MAGI2: variants seen among roughly 807,000 people sequenced by gnomAD.
MAGI2 encodes membrane-associated guanylate kinase, WW and PDZ domain-containing protein 2.
A neutral mutation model predicts 133.3 loss-of-function variants in MAGI2; 35 were observed. That is an observed-to-expected ratio of 0.26 (90% CI 0.20 to 0.35). MAGI2 has a LOEUF of 0.35. Among genes scored for constraint, MAGI2 ranks in the 10% least tolerant of loss-of-function variants. The pLI is 1.00. For missense variants in MAGI2, 1,636 were observed against 1,863.4 expected (o/e 0.88, Z 2.25); for synonymous variants, 729 against 710.6 (o/e 1.03, Z -0.41).
At chr7:78,146,032 T>C (rs543567597) in intron 16 of MAGI2, among the ~76,000 whole-genome samples, 2 of 152,130 alleles carry the variant, frequency 1.3e-5, no homozygotes, top group African/African-American at 4.8e-5. Flanking sequence ...TATAAATAAG[T>C]TTTTGAAGCT....
chr7:78,137,310 C>T (rs908042971), intron 16 of MAGI2, among the ~76,000 whole-genome samples: 8 of 152,164 alleles, frequency 5.3e-5, no homozygotes, highest in Middle Eastern at 3.4e-3. Flanking sequence ...GTCTGTTTTT[C>T]GACAGTAAAA....
At chr7:79,431,096 T>C (rs1847747522) in intron 1 of MAGI2, among the ~76,000 whole-genome samples, 1 of 152,206 alleles carries the variant, frequency 6.6e-6, no homozygotes, top group African/African-American at 2.4e-5. Flanking sequence ...AAATAGCTGA[T>C]GCTGCTAGGC....
chr7:79,049,276 CT>C (rs371937291), intron 1 of MAGI2, among the ~76,000 whole-genome samples: 194 of 152,022 alleles, frequency 1.3e-3, no homozygotes, highest in African/African-American at 3.9e-3. Context: ...ATTAATAAGA[CT>C]TTTTTTTCCC....
chr7:78,053,673 G>A (rs1207505846), intron 21 of MAGI2, among the ~76,000 whole-genome samples: 4 of 152,156 alleles, frequency 2.6e-5, no homozygotes, highest in Non-Finnish European at 5.9e-5. Flanking sequence ...ATTCTCATAA[G>A]CTCCAATCCC....
At chr7:78,263,116 TAC>T (rs1280191969) in intron 9 of MAGI2, among the ~76,000 whole-genome samples, 1 of 152,184 alleles carries the variant, frequency 6.6e-6, no homozygotes, top group African/African-American at 2.4e-5. Flanking sequence ...CAGTTAGGGT[TAC>T]AGTCTCTAGC....
At chr7:79,205,071 T>A (rs1246862090) in intron 1 of MAGI2, among the ~76,000 whole-genome samples, 12 of 149,778 alleles carry the variant, frequency 8.0e-5, no homozygotes, top group Admixed American at 5.3e-4. Flanking sequence ...AAAAAAAAAA[T>A]AGCAAAAAAC....
intron 3 of MAGI2, 35 bp downstream of exon 3, chr7:78,627,085 C>T: frequency 6.5e-7 from 1 of 1,541,764 alleles, no homozygotes. Context: ...AATGTGATGC[C>T]AACAAGAAAG....
intron 2 of MAGI2, among the ~76,000 whole-genome samples, chr7:78,766,387 T>G (rs1437291298): frequency 6.6e-6 from 1 of 152,084 alleles, no homozygotes; most frequent in Non-Finnish European, 1.5e-5. Context: ...ATATATTATT[T>G]CCTCCCCCAG....
chr7:78,972,536 G>A (rs970272395), intron 2 of MAGI2, among the ~76,000 whole-genome samples: 1 of 151,724 alleles, frequency 6.6e-6, no homozygotes, highest in African/African-American at 2.4e-5. Context: ...CCTATCATTT[G>A]CAAGAATGCT....
intron 9 of MAGI2, among the ~76,000 whole-genome samples, chr7:78,268,752 T>A (rs1382605052): frequency 6.6e-6 from 1 of 152,200 alleles, no homozygotes; most frequent in Non-Finnish European, 1.5e-5. Context: ...TACATTTGAC[T>A]GCTTGAACTG....
chr7:79,148,979 C>T (rs1822922472), intron 1 of MAGI2, among the ~76,000 whole-genome samples: 1 of 145,650 alleles, frequency 6.9e-6, no homozygotes, highest in South Asian at 2.1e-4. Context: ...CCTCCCCTGT[C>T]TATTTTCTGG....
intron 3 of MAGI2, among the ~76,000 whole-genome samples, chr7:78,625,137 A>C (rs1808208291): frequency 1.3e-5 from 2 of 152,142 alleles, no homozygotes; most frequent in Non-Finnish European, 2.9e-5. Context: ...TTTTAACAAA[A>C]AAGTTTAAAA....
chr7:79,423,092 A>C (rs1477095015), intron 1 of MAGI2, among the ~76,000 whole-genome samples: 3 of 152,104 alleles, frequency 2.0e-5, no homozygotes, highest in Non-Finnish European at 4.4e-5. Flanking sequence ...ATGTCGTGTA[A>C]TAACCATAAT....
In MAGI2 at chr7:78,019,814, C is replaced by G. The variant is rs1239194883; in HGVS notation, c.3869G>C (p.Arg1290Pro). The G allele has an allele frequency of 1.9e-6, 3 of 1,613,316 alleles. No homozygotes were observed. The highest frequency in any genetic ancestry group is 2.5e-6 in the Non-Finnish European group (3 of 1,179,912). Reference protein sequence around the residue: ...ISPGPTWDIKREHDVRKPKEL... With the variant: ...ISPGPTWDIKPEHDVRKPKEL... ...CTTTGGTTTCCTAACGTCGTGTTCCCGTTTGATATCCCAAGTTGGGCCTGG... is the reference window on the plus strand; with the variant it reads ...CTTTGGTTTCCTAACGTCGTGTTCCGGTTTGATATCCCAAGTTGGGCCTGG... Residue 1290 changes from arginine (R) to proline (P), a missense_variant, in exon 22 of 22, where the codon CGG (arginine) becomes CCG (proline). Physicochemically the swap from Arg to Pro is moderately radical, Grantham distance 103. Coordinates refer to ENST00000354212, the MANE Select transcript of MAGI2 (RefSeq NM_012301.4).
chr7:79,400,833 T>C (rs1188910102), intron 1 of MAGI2, among the ~76,000 whole-genome samples: 1 of 152,114 alleles, frequency 6.6e-6, no homozygotes, highest in Non-Finnish European at 1.5e-5. Context: ...ACATACTATA[T>C]GTTGTACAAG....
intron 6 of MAGI2, among the ~76,000 whole-genome samples, chr7:78,404,650 C>G (rs1189549918): frequency 1.3e-5 from 2 of 152,100 alleles, no homozygotes; most frequent in Non-Finnish European, 2.9e-5. Flanking sequence ...CTTCCTTATA[C>G]CTTATACAAA....
chr7:78,867,788 T>A (rs1259139011), intron 2 of MAGI2, among the ~76,000 whole-genome samples: 1 of 151,970 alleles, frequency 6.6e-6, no homozygotes, highest in Non-Finnish European at 1.5e-5. Context: ...GACTGTAACA[T>A]AAGAGTAAGA....
intron 1 of MAGI2, among the ~76,000 whole-genome samples, chr7:79,311,408 T>A (rs1477061947): frequency 6.6e-6 from 1 of 152,136 alleles, no homozygotes; most frequent in Non-Finnish European, 1.5e-5. Context: ...TGTGCTGCAT[T>A]CAAAGTCGTC....
chr7:78,428,600 G>A (rs1003033380), intron 6 of MAGI2, among the ~76,000 whole-genome samples: 4 of 152,068 alleles, frequency 2.6e-5, no homozygotes, highest in African/African-American at 4.8e-5. Flanking sequence ...TCCTCATCCC[G>A]GAATACCTGC....
Sources: allele counts gnomAD v4.1 joint callset (sites outside exome capture counted in the v4.1 genomes callset), GRCh38; gene constraint gnomAD v4.1.1; transcripts MANE v1.5; gene names NCBI Gene and HGNC (gene_info 2026-07-23, HGNC 2026-07-21).